Variants in LMAN2 observed in about 807,000 individuals in gnomAD.
LMAN2 encodes vesicular integral-membrane protein VIP36.
LMAN2 carries 22 observed loss-of-function variants against 39.3 expected under a neutral mutation model. That is an observed-to-expected ratio of 0.56 (90% CI 0.40 to 0.80). The LOEUF (loss-of-function observed/expected upper bound fraction) is 0.80. Ranked by LOEUF, LMAN2 falls within the 30% of genes least tolerant of loss-of-function variation. The probability of loss-of-function intolerance (pLI) is 0.00; values close to 1 mark genes in which losing one functional copy is unlikely to be tolerated. For synonymous variants in LMAN2, 207 were observed against 207.8 expected, an observed-to-expected ratio of 1.00 and a Z score of 0.03; for missense variants, 494 against 505.4, an observed-to-expected ratio of 0.98 and a Z score of 0.22.
chr5:177,333,717 G>A (rs751158909), intron 7 of LMAN2, among the ~76,000 whole-genome samples: 14 of 152,186 alleles, frequency 9.2e-5, no homozygotes, highest in African/African-American at 3.1e-4. Flanking sequence ...CAACCACAAC[G>A]TTCACTCTGT....
intron 2 of LMAN2, among the ~76,000 whole-genome samples, chr5:177,347,041 T>G (rs78840310): frequency 0.015 from 2,269 of 152,252 alleles, 62 homozygotes; most frequent in African/African-American, 0.052. Flanking sequence ...CTGACCATGA[T>G]GCAATTCCAT....
At chr5:177,344,632 G>A (rs1761607882) in intron 2 of LMAN2, among the ~76,000 whole-genome samples, 1 of 151,604 alleles carries the variant, frequency 6.6e-6, no homozygotes, top group Non-Finnish European at 1.5e-5. Context: ...TTGACCAGAT[G>A]CAGTGGCTCA....
intron 7 of LMAN2, among the ~76,000 whole-genome samples, chr5:177,333,851 C>T: frequency 6.6e-6 from 1 of 152,114 alleles, no homozygotes; most frequent in Admixed American, 6.5e-5. Context: ...TGACCAGCAG[C>T]ACGACTTCTT....
rs914947729 is a variant in LMAN2, at chr5:177,332,928, C to G, written c.911-682G>C. ...GCCTCCCTCCCTGACTGCGGCCCCC[C>G]CGACTCCACACTGTACAGTCTCCTC... On this transcript the variant is annotated intron_variant, in intron 7 of 7. Transcript: ENST00000303127. This position sits in a 1 kb window ranked among gnomAD's most constrained non-coding sequence, Gnocchi z 6.3. Among the ~76,000 whole-genome samples the G allele has an allele frequency of 5.3e-5, 8 of 152,190 alleles. No individual in the cohort carries two copies. The highest frequency in any genetic ancestry group is 1.7e-4 in the African/African-American group (7 of 41,456).
chr5:177,349,288 G>A (rs1161965103), intron 2 of LMAN2, among the ~76,000 whole-genome samples: 1 of 152,230 alleles, frequency 6.6e-6, no homozygotes, highest in East Asian at 1.9e-4. Flanking sequence ...GTTCGCCTGA[G>A]TGCATGCCTC....
chr5:177,340,642 T>C (rs919551172), intron 2 of LMAN2, among the ~76,000 whole-genome samples: 1 of 152,116 alleles, frequency 6.6e-6, no homozygotes, highest in African/African-American at 2.4e-5. Flanking sequence ...TGGTGGTACA[T>C]GCCTGTAATT....
chr5:177,334,023 C>T (rs1241418960), intron 7 of LMAN2, among the ~76,000 whole-genome samples: 2 of 152,256 alleles, frequency 1.3e-5, no homozygotes, highest in Non-Finnish European at 2.9e-5. Flanking sequence ...CTAGGATGTC[C>T]TCAGGGACTG....
In LMAN2 at chr5:177,332,483, C is replaced by G. The variant is rs1387581628; in HGVS notation, c.911-237G>C. On this transcript the variant is annotated intron_variant, in intron 7 of 7. Transcript: ENST00000303127. The surrounding 1 kb of genome is among the most constrained non-coding windows in gnomAD (Gnocchi z 6.3). ...AGCCCACAGGGACCCGGGACCCCAG[C>G]GACAAGCCTGGGCTGCCTTCTGCTG... Among the ~76,000 whole-genome samples the G allele has an allele frequency of 6.6e-6, 1 of 152,122 alleles. No homozygotes were observed. Among genetic ancestry groups the G allele is most frequent in the East Asian group, 1.9e-4 (1 of 5,182 alleles).
At chr5:177,339,393 G>A (rs1288511020) in intron 2 of LMAN2, among the ~76,000 whole-genome samples, 4 of 152,224 alleles carry the variant, frequency 2.6e-5, no homozygotes, top group Non-Finnish European at 4.4e-5. Flanking sequence ...TGGTACCAGC[G>A]CTGGGGATGA....
At chr5:177,348,556 T>C (rs768177435) in intron 2 of LMAN2, among the ~76,000 whole-genome samples, 8 of 151,644 alleles carry the variant, frequency 5.3e-5, no homozygotes, top group Non-Finnish European at 1.2e-4. Context: ...GACATGGCAG[T>C]GCGCGCCTGT....
intron 2 of LMAN2, among the ~76,000 whole-genome samples, chr5:177,344,775 G>A (rs949168740): frequency 4.0e-5 from 6 of 151,450 alleles, no homozygotes; most frequent in East Asian, 2.0e-4. Flanking sequence ...GTGCGGTGGC[G>A]GGCGCCTGTA....
In LMAN2 at chr5:177,332,268, A is replaced by T. The variant is rs1282271400; in HGVS notation, c.911-22T>A. On this transcript the variant is annotated intron_variant, in intron 7 of 7. Transcript: ENST00000303127. This position sits in a 1 kb window ranked among gnomAD's most constrained non-coding sequence, Gnocchi z 6.3. ...TTGTCTGGGGGAGAAGAAACGGGGGAGCTGAAACGGCAGCACGGGCCGGGG... is the reference window on the plus strand; with the variant it reads ...TTGTCTGGGGGAGAAGAAACGGGGGTGCTGAAACGGCAGCACGGGCCGGGG... 1 of 1,608,494 alleles carries T rather than the reference A, an allele frequency of 6.2e-7. No individual in the cohort carries two copies. Among genetic ancestry groups the T allele is most frequent in the South Asian group, 1.1e-5 (1 of 90,690 alleles).
Position 177,337,726 on chromosome 5 carries a change from G to T in LMAN2, c.493C>A (p.Pro165Thr). The part of the protein sequence containing the change: ...HGLAIFLDTY[P>T]NDETTERVFP... ...CCTACCTCAGTGGTCTCATCATTGG[G>T]GTAGGTGTCCAGGAAGATGGCTAAG... Residue 165 changes from proline to threonine, a missense_variant, in exon 4 of 8, where the codon CCC becomes ACC. Coordinates refer to ENST00000303127, the MANE Select transcript of LMAN2 (RefSeq NM_006816.3). The surrounding 1 kb of genome is among the most constrained non-coding windows in gnomAD (Gnocchi z 8.2). 6.2e-7 allele frequency: 1 copy of T among 1,614,046 alleles called. No homozygotes were observed. The highest frequency in any genetic ancestry group is 8.5e-7 in the Non-Finnish European group (1 of 1,180,008).
Position 177,351,620 on chromosome 5 carries a change from A to C in LMAN2, c.28T>G (p.Trp10Gly). ...CCCAGGCACCGCCGGCCCCAGCCCCAACGCCAAATCCAGCCTTCCGCCGCC... is the reference window on the plus strand; with the variant it reads ...CCCAGGCACCGCCGGCCCCAGCCCCCACGCCAAATCCAGCCTTCCGCCGCC... MAAEGWIWR[W>G]GWGRRCLGRP... The change falls in exon 1 of 8, where the codon TGG becomes GGG. Residue 10 changes from tryptophan to glycine, a missense_variant. Physicochemically the swap from Trp to Gly is radical, Grantham distance 184. Coordinates refer to ENST00000303127, the MANE Select transcript of LMAN2 (RefSeq NM_006816.3). 6.2e-7 allele frequency: 1 copy of C among 1,600,446 alleles called. No homozygotes were observed. Among genetic ancestry groups the C allele is most frequent in the Non-Finnish European group, 8.5e-7 (1 of 1,175,346 alleles).
chr5:177,334,255 C>G, intron 7 of LMAN2, 29 bp downstream of exon 7: 1 of 1,598,268 alleles, frequency 6.3e-7, no homozygotes, highest in Non-Finnish European at 8.5e-7. Context: ...CCGCCCAGGC[C>G]CAGGCAGGGC....
chr5:177,340,252 T>C (rs901636893), intron 2 of LMAN2, among the ~76,000 whole-genome samples: 1 of 152,104 alleles, frequency 6.6e-6, no homozygotes, highest in African/African-American at 2.4e-5. Context: ...CATGAAACTA[T>C]TTTTTTCTAA....
intron 2 of LMAN2, among the ~76,000 whole-genome samples, chr5:177,343,028 C>CA (rs754314408): frequency 6.6e-6 from 1 of 151,966 alleles, no homozygotes; most frequent in Non-Finnish European, 1.5e-5. Context: ...CCAAGGCGGG[C>CA]AGATCACGAG....
Position 177,332,465 on chromosome 5 carries a change from A to T in LMAN2, c.911-219T>A, listed in dbSNP as rs1761403864. On this transcript the variant is annotated intron_variant, in intron 7 of 7. Transcript: ENST00000303127. The surrounding 1 kb of genome is among the most constrained non-coding windows in gnomAD (Gnocchi z 6.3). The stretch of plus-strand genomic sequence containing the variant: ...GGGGCAGAGAGAGGACCAAGCCCAC[A>T]GGGACCCGGGACCCCAGCGACAAGC... Among the ~76,000 whole-genome samples the T allele has an allele frequency of 6.6e-6, 1 of 152,152 alleles. No individual in the cohort carries two copies. The highest frequency in any genetic ancestry group is 1.5e-5 in the Non-Finnish European group (1 of 68,014).
At chr5:177,341,427 C>A (rs1761552967) in intron 2 of LMAN2, among the ~76,000 whole-genome samples, 2 of 152,126 alleles carry the variant, frequency 1.3e-5, no homozygotes, top group Admixed American at 6.6e-5. Context: ...ATGACTCTCA[C>A]AGGAGCAATA....
Sources: gnomAD v4.1 joint callset for allele counts (sites outside exome capture counted in the v4.1 genomes callset) on GRCh38, gnomAD v4.1.1 for gene constraint, Gnocchi (gnomAD v3.1) non-coding constraint, MANE v1.5 for transcripts, NCBI Gene and HGNC (gene_info 2026-07-23, HGNC 2026-07-21) for gene names.